Variants in ITGA1 observed in about 807,000 individuals in gnomAD.
ITGA1 encodes the protein integrin alpha-1.
Under a neutral mutation model 145.9 loss-of-function variants are expected in ITGA1, and 85 were observed. The observed-to-expected ratio is 0.58, with a 90% confidence interval of 0.49 to 0.70. The LOEUF (loss-of-function observed/expected upper bound fraction) is 0.70. ITGA1 is among the 30% of genes least tolerant of loss of function. ITGA1 has a pLI of 0.00. For synonymous variants in ITGA1, 520 were observed against 495.3 expected (o/e 1.05, Z -0.66); for missense variants, 1,351 against 1,418.7 (o/e 0.95, Z 0.77).
At chr5:52,837,383 T>C (rs949821195) in intron 1 of ITGA1, among the ~76,000 whole-genome samples, 3 of 152,222 alleles carry the variant, frequency 2.0e-5, no homozygotes, top group Middle Eastern at 6.8e-3. Context: ...GGTTGAGAAA[T>C]AGCCGAGAAG....
intron 23 of ITGA1, among the ~76,000 whole-genome samples, chr5:52,934,683 A>G (rs1750939491): frequency 6.6e-6 from 1 of 151,904 alleles, no homozygotes; most frequent in African/African-American, 2.4e-5. Flanking sequence ...AAAATCACTC[A>G]AGGAAAAAAG....
chr5:52,863,859 C>T (rs1322337093), intron 3 of ITGA1: 1 of 152,178 alleles, frequency 6.6e-6, no homozygotes, highest in African/African-American at 2.4e-5. Context: ...CATACAATCG[C>T]CCAGCTCTAG....
At chr5:52,877,516 G>T (rs1474279293) in intron 6 of ITGA1, among the ~76,000 whole-genome samples, 1 of 152,200 alleles carries the variant, frequency 6.6e-6, no homozygotes, top group Non-Finnish European at 1.5e-5. Flanking sequence ...ACAACCAGGA[G>T]TTACTGTCCC....
chr5:52,902,824 C>T (rs1456860811), intron 11 of ITGA1: 1 of 152,262 alleles, frequency 6.6e-6, no homozygotes, highest in Admixed American at 6.5e-5. Context: ...ATCCACCTGC[C>T]TCGGATTCCC....
chr5:52,891,317 T>TA (rs1310312323), intron 8 of ITGA1, among the ~76,000 whole-genome samples: 2 of 135,326 alleles, frequency 1.5e-5, no homozygotes, highest in African/African-American at 5.3e-5. Context: ...TGATGTGACA[T>TA]ACCACCATAG....
intron 26 of ITGA1, among the ~76,000 whole-genome samples, chr5:52,944,266 G>T (rs1368619912): frequency 1.3e-5 from 2 of 152,132 alleles, no homozygotes; most frequent in Non-Finnish European, 2.9e-5. Flanking sequence ...GGAGATGTTG[G>T]GTACTCTGTA....
chr5:52,820,646 C>A (rs749315759), intron 1 of ITGA1, among the ~76,000 whole-genome samples: 6 of 152,080 alleles, frequency 3.9e-5, no homozygotes, highest in Non-Finnish European at 8.8e-5. Flanking sequence ...TGGCTTCCAC[C>A]TACTGCTAGG....
At chr5:52,888,090 A>G (rs1750083192) in intron 8 of ITGA1, 125 bp downstream of exon 8, 13 of 954,374 alleles carry the variant, frequency 1.4e-5, no homozygotes, top group Non-Finnish European at 2.0e-5. Context: ...ATTTGAAGGT[A>G]AGCCCTGGGA....
rs573373084 is a variant in ITGA1, at chr5:52,813,733, A to AT, written c.61+25320dup. Among the ~76,000 whole-genome samples the AT allele has an allele frequency of 1.5e-4, 23 of 152,356 alleles. No homozygotes were observed. The East Asian group carries it at 1.9e-3, about 13-fold the overall frequency. On this transcript the variant is annotated intron_variant, in intron 1 of 28. Transcript: ENST00000282588. ...CCACATTCTATGAACCAGGAGCAGG[A>AT]TAACGGACTATTCTATATGCCTACA...
intron 1 of ITGA1, chr5:52,800,303 C>G: frequency 6.9e-7 from 1 of 1,446,896 alleles, no homozygotes; most frequent in Non-Finnish European, 9.5e-7. Flanking sequence ...GCCCCGCCCC[C>G]TTCCTGGCCT....
chr5:52,820,522 T>TAA (rs55942732), intron 1 of ITGA1, among the ~76,000 whole-genome samples: 37,208 of 146,340 alleles, frequency 0.25, 4,711 homozygotes, highest in South Asian at 0.29. Flanking sequence ...TAAAGTATAA[T>TAA]AAAAAAAAAA....
intron 6 of ITGA1, among the ~76,000 whole-genome samples, chr5:52,875,426 A>T (rs982323961): frequency 1.3e-5 from 2 of 152,102 alleles, no homozygotes; most frequent in Admixed American, 1.3e-4. Context: ...TGTGTACCTG[A>T]TGTATGCCAT....
At position 52,859,864 on chromosome 5, in the gene ITGA1, G is replaced by C. The variant is rs1469232892; in HGVS notation, c.183-1583G>C. Among the ~76,000 whole-genome samples, 4 of 152,288 alleles carry C rather than the reference G, an allele frequency of 2.6e-5. No homozygotes were observed. In the East Asian group the frequency reaches 7.7e-4, roughly 29 times the overall value. ...ATGGCCTGACCAGCACAGAACACAG[G>C]GGGACTATCACTGCTTGACCAGGGC... On this transcript the variant is annotated intron_variant, in intron 2 of 28. Coordinates refer to ENST00000282588, the MANE Select transcript of ITGA1 (RefSeq NM_181501.2).
At chr5:52,930,074 G>C (rs1750872681) in intron 21 of ITGA1, among the ~76,000 whole-genome samples, 1 of 152,108 alleles carries the variant, frequency 6.6e-6, no homozygotes, top group African/African-American at 2.4e-5. Flanking sequence ...TGGACTTAAA[G>C]TTTTATGATA....
chr5:52,826,384 T>C (rs1748963011), intron 1 of ITGA1, among the ~76,000 whole-genome samples: 1 of 152,244 alleles, frequency 6.6e-6, no homozygotes. Context: ...AAATAAACCA[T>C]CTGCATAACA....
intron 28 of ITGA1, 142 bp downstream of exon 28, chr5:52,947,603 A>G (rs1751155285): frequency 1.6e-6 from 1 of 617,070 alleles, no homozygotes. Context: ...AGGGAAAGAA[A>G]AAAGAAAAAT....
In ITGA1 at chr5:52,849,496, G is replaced by A. The variant is rs754071710; in HGVS notation, c.182+11G>A. ...TGAAGAAGGAAAATGGTAAGCCAGT[G>A]GGTTTTGTTGTTGTTATTTACTTAT... On this transcript the variant is annotated intron_variant, in intron 2 of 28. Coordinates refer to ENST00000282588, the MANE Select transcript of ITGA1 (RefSeq NM_181501.2). 5.1e-6 allele frequency: 8 copies of A among 1,580,154 alleles called. No homozygotes were observed. The highest frequency in any genetic ancestry group is 4.6e-5 in the South Asian group (4 of 87,776).
At chr5:52,859,579 G>A (rs1749565651) in intron 2 of ITGA1, among the ~76,000 whole-genome samples, 1 of 152,024 alleles carries the variant, frequency 6.6e-6, no homozygotes, top group Admixed American at 6.6e-5. Flanking sequence ...TGCCTATAGG[G>A]CCTACACAAA....
chr5:52,790,574 C>T (rs1456050728), intron 1 of ITGA1, among the ~76,000 whole-genome samples: 1 of 152,208 alleles, frequency 6.6e-6, no homozygotes, highest in Non-Finnish European at 1.5e-5. Flanking sequence ...CCCCTTTCTC[C>T]ATCTTCAACC....
Sources: gnomAD v4.1 joint callset for allele counts (sites outside exome capture counted in the v4.1 genomes callset) on GRCh38, gnomAD v4.1.1 for gene constraint, MANE v1.5 for transcripts, NCBI Gene and HGNC (gene_info 2026-07-23, HGNC 2026-07-21) for gene names.